The following UMAD1 variants were observed in gnomAD, a reference collection of about 807,000 sequenced individuals.
The protein encoded by UMAD1 is UBAP1-MVB12-associated (UMA) domain containing 1, also known as UBAP1-MVB12-associated (UMA)-domain containing protein 1.
Under a neutral mutation model 6.1 loss-of-function variants are expected in UMAD1, and 8 were observed. That is an observed-to-expected ratio of 1.30 (90% CI 0.76 to 2.35). UMAD1 has a LOEUF of 2.35. Among genes scored for constraint, UMAD1 ranks in the 30% most tolerant of loss-of-function variants. UMAD1 has a pLI of 0.00. For synonymous variants in UMAD1, 56 were observed against 31.4 expected, an observed-to-expected ratio of 1.78 and a Z score of -2.61; for missense variants, 130 against 78.4, an observed-to-expected ratio of 1.66 and a Z score of -2.49.
intron 2 of UMAD1, among the ~76,000 whole-genome samples, chr7:7,760,249 C>G (rs879740486): frequency 2.6e-5 from 4 of 151,944 alleles, no homozygotes; most frequent in Non-Finnish European, 5.9e-5. Context: ...TGTTTTCTGA[C>G]TACCAGTACC....
chr7:7,842,940 T>C (rs761121393), intron 3 of UMAD1, among the ~76,000 whole-genome samples: 1 of 152,192 alleles, frequency 6.6e-6, no homozygotes, highest in Non-Finnish European at 1.5e-5. Flanking sequence ...CAAAACCCAG[T>C]AGGGTCTGTC....
rs564151983 is a variant in UMAD1, at chr7:7,768,829, C to T, written c.83-32841C>T. Among the ~76,000 whole-genome samples the T allele has an allele frequency of 1.0e-3, 157 of 152,260 alleles. 1 individual carries two copies. Among genetic ancestry groups the T allele is most frequent in the African/African-American group, 3.4e-3 (140 of 41,564 alleles). ...TAATAATTTTGTACTTTCTCTTCTTCCCCAGACAGTAAGCGTCTTATGTTA... is the reference window on the plus strand; with the variant it reads ...TAATAATTTTGTACTTTCTCTTCTTTCCCAGACAGTAAGCGTCTTATGTTA... On this transcript the variant is annotated intron_variant, in intron 2 of 3. Coordinates refer to ENST00000682710, the MANE Select transcript of UMAD1 (RefSeq NM_001302348.2).
At chr7:7,796,377 G>A (rs554376636) in intron 2 of UMAD1, among the ~76,000 whole-genome samples, 4 of 147,430 alleles carry the variant, frequency 2.7e-5, no homozygotes, top group East Asian at 2.1e-4. Context: ...TCAGCCTCCC[G>A]AGTAGCTGGG....
chr7:7,854,198 A>G (rs752667973), intron 3 of UMAD1, among the ~76,000 whole-genome samples: 7 of 151,870 alleles, frequency 4.6e-5, no homozygotes, highest in Non-Finnish European at 8.8e-5. Flanking sequence ...TCTACTAAAA[A>G]TACAGAATTA....
chr7:7,699,607 A>T (rs1308664644), intron 2 of UMAD1, among the ~76,000 whole-genome samples: 1 of 152,168 alleles, frequency 6.6e-6, no homozygotes, highest in African/African-American at 2.4e-5. Flanking sequence ...TTGGAAATAG[A>T]TTTAGTTCTA....
chr7:7,773,545 G>A (rs1260774289), intron 2 of UMAD1, among the ~76,000 whole-genome samples: 1 of 152,018 alleles, frequency 6.6e-6, no homozygotes, highest in Non-Finnish European at 1.5e-5. Flanking sequence ...AAGGTCAGAG[G>A]GAGCTTAATT....
At position 7,673,232 on chromosome 7, in the gene UMAD1, G is replaced by A. The variant is rs1779650633; in HGVS notation, c.-63-77G>A. ...AGAGTAACTATTGTTATATCGTTAT[G>A]CTGAACTTTTTGCTAAAAAGGGTAA... is the stretch of plus-strand genomic sequence containing the variant. On this transcript the variant is annotated intron_variant, in intron 1 of 3. Coordinates refer to ENST00000682710, the MANE Select transcript of UMAD1 (RefSeq NM_001302348.2). 1.0e-5 allele frequency: 9 copies of A among 882,148 alleles called. No homozygotes were observed. In the Middle Eastern group the frequency reaches 6.5e-4, roughly 63 times the overall value. The allele number at this position is 882,148 out of a possible 1,614,324, so 54.6% of individuals were successfully genotyped here.
chr7:7,742,368 G>C (rs1191089091), intron 2 of UMAD1: 7 of 596,500 alleles, frequency 1.2e-5, no homozygotes, highest in Non-Finnish European at 2.0e-5. Context: ...CTCTTCCGAG[G>C]ATATCTGGGC....
chr7:7,647,667 G>C (rs913530822), intron 1 of UMAD1, among the ~76,000 whole-genome samples: 1 of 152,186 alleles, frequency 6.6e-6, no homozygotes, highest in Non-Finnish European at 1.5e-5. Flanking sequence ...GACTGCAGTG[G>C]CGTGATTGTG....
chr7:7,767,449 T>C (rs1459481813), intron 2 of UMAD1, among the ~76,000 whole-genome samples: 2 of 152,136 alleles, frequency 1.3e-5, no homozygotes, highest in Admixed American at 6.6e-5. Context: ...TAAACAAAAG[T>C]AGGATTAAAC....
chr7:7,698,833 G>A (rs533305315), intron 2 of UMAD1, among the ~76,000 whole-genome samples: 100 of 151,402 alleles, frequency 6.6e-4, no homozygotes, highest in African/African-American at 2.4e-3. Context: ...TGACATTTCT[G>A]GCTGTGGATT....
At chr7:7,845,696 G>A (rs1429855428) in intron 3 of UMAD1, among the ~76,000 whole-genome samples, 1 of 152,024 alleles carries the variant, frequency 6.6e-6, no homozygotes, top group Non-Finnish European at 1.5e-5. Flanking sequence ...AATGGCGATG[G>A]TTTTCCCTAT....
intron 3 of UMAD1, among the ~76,000 whole-genome samples, chr7:7,822,157 T>C (rs900205256): frequency 6.6e-6 from 1 of 152,100 alleles, no homozygotes; most frequent in Non-Finnish European, 1.5e-5. Context: ...AAAGCTTGTG[T>C]ACTTTATTTA....
chr7:7,712,026 A>G (rs1171038662), intron 2 of UMAD1, among the ~76,000 whole-genome samples: 4 of 152,002 alleles, frequency 2.6e-5, no homozygotes, highest in Admixed American at 6.6e-5. Flanking sequence ...TTCTTCACGT[A>G]TCTTCCAAGC....
At chr7:7,779,250 A>G (rs548550914) in intron 2 of UMAD1, among the ~76,000 whole-genome samples, 1 of 151,444 alleles carries the variant, frequency 6.6e-6, no homozygotes, top group African/African-American at 2.4e-5. Flanking sequence ...GCCTCATGAA[A>G]ACATAAAAAT....
intron 2 of UMAD1, among the ~76,000 whole-genome samples, chr7:7,724,607 C>G (rs1206149257): frequency 3.3e-5 from 5 of 152,164 alleles, no homozygotes; most frequent in African/African-American, 1.2e-4. Flanking sequence ...CCACCACATC[C>G]CCACTCAGCT....
chr7:7,645,379 G>C (rs1303358030), intron 1 of UMAD1, among the ~76,000 whole-genome samples: 1 of 152,194 alleles, frequency 6.6e-6, no homozygotes, highest in Non-Finnish European at 1.5e-5. Flanking sequence ...TACTTATGTG[G>C]TAGTGCACTA....
intron 2 of UMAD1, among the ~76,000 whole-genome samples, chr7:7,727,051 C>T (rs940520394): frequency 3.9e-5 from 6 of 152,068 alleles, no homozygotes; most frequent in Admixed American, 3.3e-4. Flanking sequence ...AAGTTTGGGT[C>T]ACTCCATCTG....
chr7:7,686,487 T>C (rs574345713), intron 2 of UMAD1, among the ~76,000 whole-genome samples: 1 of 152,320 alleles, frequency 6.6e-6, no homozygotes, highest in Non-Finnish European at 1.5e-5. Context: ...TTCAGCAAGA[T>C]TGAGAATTAT....
Sources: allele counts gnomAD v4.1 joint callset (sites outside exome capture counted in the v4.1 genomes callset), GRCh38; gene constraint gnomAD v4.1.1; transcripts MANE v1.5; gene names NCBI Gene and HGNC (gene_info 2026-07-23, HGNC 2026-07-21).